ARMC3: variants seen among roughly 807,000 people sequenced by gnomAD.
ARMC3 encodes armadillo repeat containing 3, also known as armadillo repeat-containing protein 3.
A neutral mutation model predicts 90.3 loss-of-function variants in ARMC3; 74 were observed. The observed-to-expected ratio is 0.82, with a 90% confidence interval of 0.68 to 0.99. ARMC3 has a LOEUF of 0.99. ARMC3 is among the 50% of genes least tolerant of loss of function. The pLI is 0.00. For missense variants in ARMC3, 958 were observed against 1,042.8 expected (o/e 0.92, Z 1.12); for synonymous variants, 334 against 361.8 (o/e 0.92, Z 0.87).
At chr10:23,025,309 A>G (rs567713625) in intron 16 of ARMC3, among the ~76,000 whole-genome samples, 2 of 152,310 alleles carry the variant, frequency 1.3e-5, no homozygotes, top group East Asian at 1.9e-4. Context: ...TACACGTTTC[A>G]TTAAAAGTGC....
At chr10:22,988,370 T>C (rs1836552864) in intron 10 of ARMC3, among the ~76,000 whole-genome samples, 1 of 152,200 alleles carries the variant, frequency 6.6e-6, no homozygotes, top group African/African-American at 2.4e-5. Context: ...CCTTTATCAA[T>C]CATTTCAGTA....
At chr10:22,973,800 C>G (rs1165909059) in intron 8 of ARMC3, among the ~76,000 whole-genome samples, 2 of 139,054 alleles carry the variant, frequency 1.4e-5, no homozygotes, top group Non-Finnish European at 3.1e-5. Flanking sequence ...GCTCTGTCAC[C>G]CAGGCTGGAG....
At chr10:22,959,605 G>T in intron 6 of ARMC3, 31 bp downstream of exon 6, 1 of 1,548,536 alleles carries the variant, frequency 6.5e-7, no homozygotes, top group South Asian at 1.2e-5. Flanking sequence ...GCGTTCTGAT[G>T]AAAGCTCATT....
intron 16 of ARMC3, among the ~76,000 whole-genome samples, chr10:23,028,869 G>T (rs1184975659): frequency 6.6e-6 from 1 of 152,156 alleles, no homozygotes; most frequent in East Asian, 1.9e-4. Context: ...AACTTATGGG[G>T]TTGCTTTTCT....
At chr10:22,945,944 A>C (rs1457072898) in intron 2 of ARMC3, among the ~76,000 whole-genome samples, 200 bp from the exon 3 acceptor site, 1 of 152,144 alleles carries the variant, frequency 6.6e-6, no homozygotes, top group Non-Finnish European at 1.5e-5. Flanking sequence ...TTCCCACCAT[A>C]CCCCAGGCAT....
At chr10:23,014,077 TC>T (rs1226541207) in intron 16 of ARMC3, 7 of 1,549,774 alleles carry the variant, frequency 4.5e-6, no homozygotes, top group Admixed American at 3.9e-5. Context: ...TCACTCTCCC[TC>T]TTCCTCTGCA....
At position 23,003,263 on chromosome 10, in the gene ARMC3, A is replaced by G; in HGVS notation, c.1580A>G (p.Glu527Gly). ...LCRLGALDIL[E>G]EVNVSGTRKN... ...ATTGACAGGGCTTTAGATATCCTTG[A>G]AGAAGTTAACGTATCAGGAACTCGG... is the stretch of plus-strand genomic sequence containing the variant. The change falls in exon 13 of 19, where the codon GAA becomes GGA. Residue 527 changes from glutamate (E) to glycine (G), a missense_variant. Transcript: ENST00000298032. The G allele has an allele frequency of 6.2e-7, 1 of 1,612,682 alleles. No individual in the cohort carries two copies. Among genetic ancestry groups the G allele is most frequent in the Non-Finnish European group, 8.5e-7 (1 of 1,179,574 alleles).
intron 2 of ARMC3, among the ~76,000 whole-genome samples, chr10:22,942,235 C>A: frequency 6.6e-6 from 1 of 152,134 alleles, no homozygotes; most frequent in East Asian, 1.9e-4. Flanking sequence ...TTGAAAAAGT[C>A]AAGTTGTATC....
chr10:23,021,328 C>T (rs956659896), intron 16 of ARMC3, among the ~76,000 whole-genome samples: 8 of 152,050 alleles, frequency 5.3e-5, no homozygotes, highest in African/African-American at 1.9e-4. Flanking sequence ...GGGTGTACAC[C>T]CAGTAATGGG....
intron 7 of ARMC3, among the ~76,000 whole-genome samples, chr10:22,962,831 C>T (rs950957702): frequency 6.6e-6 from 1 of 152,168 alleles, no homozygotes; most frequent in Non-Finnish European, 1.5e-5. Context: ...TGATACAACA[C>T]TGGGAAAATG....
intron 18 of ARMC3, among the ~76,000 whole-genome samples, chr10:23,035,710 G>A (rs913663055): frequency 1.3e-5 from 2 of 151,662 alleles, no homozygotes; most frequent in Non-Finnish European, 1.5e-5. Flanking sequence ...TGTCAACCAG[G>A]CCTTGTTCTG....
At chr10:23,010,679 C>T (rs1258520785) in intron 16 of ARMC3, among the ~76,000 whole-genome samples, 6 of 109,882 alleles carry the variant, frequency 5.5e-5, no homozygotes, top group African/African-American at 1.4e-4. Flanking sequence ...TCCTTTCCCT[C>T]CCCCTTCCTT....
intron 3 of ARMC3, among the ~76,000 whole-genome samples, chr10:22,951,641 G>A (rs11511184): frequency 0.061 from 9,294 of 151,732 alleles, 397 homozygotes; most frequent in Middle Eastern, 0.12. Context: ...TAAGTAGTTA[G>A]AAAATAAATA....
chr10:22,964,235 TA>T (rs1040646030), intron 7 of ARMC3, among the ~76,000 whole-genome samples: 1 of 152,080 alleles, frequency 6.6e-6, no homozygotes, highest in Non-Finnish European at 1.5e-5. Context: ...CTGAAAAATA[TA>T]AAACACTTTT....
chr10:22,953,819 C>A (rs1053524837), intron 3 of ARMC3, among the ~76,000 whole-genome samples: 1 of 152,204 alleles, frequency 6.6e-6, no homozygotes, highest in Non-Finnish European at 1.5e-5. Flanking sequence ...TTCACTCACC[C>A]TAATTATTTT....
intron 13 of ARMC3, among the ~76,000 whole-genome samples, chr10:23,005,495 TC>T (rs1399083026): frequency 6.6e-6 from 1 of 152,160 alleles, no homozygotes; most frequent in East Asian, 1.9e-4. Context: ...GGTCTCCGCT[TC>T]CATGGTACCA....
intron 10 of ARMC3, among the ~76,000 whole-genome samples, chr10:22,988,454 T>C (rs1429351418): frequency 6.6e-6 from 1 of 152,224 alleles, no homozygotes; most frequent in Non-Finnish European, 1.5e-5. Context: ...AAAGCACTTT[T>C]CAAACCTTTT....
intron 10 of ARMC3, among the ~76,000 whole-genome samples, chr10:22,994,547 A>G (rs962597246): frequency 3.9e-5 from 6 of 152,216 alleles, no homozygotes; most frequent in African/African-American, 9.6e-5. Flanking sequence ...AAATAATTTA[A>G]AAATATAACA....
intron 4 of ARMC3, among the ~76,000 whole-genome samples, chr10:22,956,950 T>A (rs1223378692): frequency 6.6e-6 from 1 of 151,934 alleles, no homozygotes; most frequent in Admixed American, 6.6e-5. Context: ...GAACAGGATA[T>A]ATTTTCCTTG....
Sources: allele counts gnomAD v4.1 joint callset (sites outside exome capture counted in the v4.1 genomes callset), GRCh38; gene constraint gnomAD v4.1.1; transcripts MANE v1.5; gene names NCBI Gene and HGNC (gene_info 2026-07-23, HGNC 2026-07-21).